Variants in PPARD observed in about 807,000 individuals in gnomAD.
PPARD encodes the protein peroxisome proliferator activated receptor delta.
A neutral mutation model predicts 39.5 loss-of-function variants in PPARD; 6 were observed. The ratio of observed to expected loss-of-function variants is 0.15; its 90% CI spans 0.08 to 0.30. The LOEUF (loss-of-function observed/expected upper bound fraction) is 0.30. Among genes scored for constraint, PPARD ranks in the 10% least tolerant of loss-of-function variants. PPARD has a pLI of 1.00. For missense variants in PPARD, 397 were observed against 596.8 expected (o/e 0.67, Z 3.49); for synonymous variants, 210 against 231.3 (o/e 0.91, Z 0.83).
intron 2 of PPARD, among the ~76,000 whole-genome samples, chr6:35,354,068 T>C (rs1272971754): frequency 6.6e-6 from 1 of 151,586 alleles, no homozygotes; most frequent in Non-Finnish European, 1.5e-5. Flanking sequence ...CTGTCTCTAC[T>C]AAAAATACAA....
At chr6:35,347,022 TG>T in intron 1 of PPARD, 44 bp from the exon 2 acceptor site, 1 of 1,293,580 alleles carries the variant, frequency 7.7e-7, no homozygotes, top group Non-Finnish European at 1.1e-6. Flanking sequence ...TGAGGGCCCC[TG>T]GCACCTGTCA....
At chr6:35,383,242 A>C (rs905909929) in intron 2 of PPARD, among the ~76,000 whole-genome samples, 6 of 152,166 alleles carry the variant, frequency 3.9e-5, no homozygotes, top group African/African-American at 1.4e-4. Context: ...GGTGGGAAGC[A>C]CTAGAGGTGG....
chr6:35,371,743 G>A (rs1473116710), intron 2 of PPARD, among the ~76,000 whole-genome samples: 1 of 152,110 alleles, frequency 6.6e-6, no homozygotes, highest in Non-Finnish European at 1.5e-5. Flanking sequence ...CACCTTGTTT[G>A]GAAAAAAACT....
chr6:35,364,411 A>C (rs1301945352), intron 2 of PPARD, among the ~76,000 whole-genome samples: 1 of 150,528 alleles, frequency 6.6e-6, no homozygotes, highest in African/African-American at 2.5e-5. Flanking sequence ...TTGCTGGGTC[A>C]TATAGTATTC....
rs187314363 is a variant in PPARD, at chr6:35,366,576, A to G, written c.-102+19426A>G. 6.0e-4 allele frequency among the ~76,000 whole-genome samples: 88 copies of G among 147,298 alleles called. 4 individuals are homozygous for G. The highest frequency in any genetic ancestry group is 1.9e-3 in the African/African-American group (73 of 37,448). ...AATACTTTTTTTTTTTTTTAAGACA[A>G]TCTCACTCTGTCACCCAGGCTGGAG... On this transcript the variant is annotated intron_variant, in intron 2 of 7. Coordinates refer to ENST00000360694, the MANE Select transcript of PPARD (RefSeq NM_006238.5). This position sits in a 1 kb window ranked among gnomAD's most constrained non-coding sequence, Gnocchi z 4.6.
intron 2 of PPARD, among the ~76,000 whole-genome samples, chr6:35,375,740 G>A (rs1762775952): frequency 6.6e-6 from 1 of 151,976 alleles, no homozygotes; most frequent in South Asian, 2.1e-4. Context: ...GTTTTCTAGA[G>A]ATGGGATGTT....
At chr6:35,349,833 C>T (rs1761130228) in intron 2 of PPARD, among the ~76,000 whole-genome samples, 1 of 152,106 alleles carries the variant, frequency 6.6e-6, no homozygotes, top group Non-Finnish European at 1.5e-5. Flanking sequence ...CCTCCACCTC[C>T]TGGGTTCAAG....
At chr6:35,378,685 A>T (rs936826847) in intron 2 of PPARD, among the ~76,000 whole-genome samples, 3 of 152,080 alleles carry the variant, frequency 2.0e-5, no homozygotes, top group African/African-American at 7.2e-5. Flanking sequence ...GGAGTAGGTG[A>T]CTCTGTATGC....
chr6:35,383,475 C>T (rs1162500451), intron 2 of PPARD, among the ~76,000 whole-genome samples: 3 of 151,754 alleles, frequency 2.0e-5, no homozygotes, highest in Admixed American at 1.3e-4. Context: ...TGAGGAGCGT[C>T]TCTGCTTGGC....
At chr6:35,395,965 A>G (rs1176085830) in intron 2 of PPARD, among the ~76,000 whole-genome samples, 2 of 152,302 alleles carry the variant, frequency 1.3e-5, no homozygotes, top group Admixed American at 6.5e-5. Flanking sequence ...GGTGCTGTGC[A>G]CTGTTTGATT....
chr6:35,351,713 C>G (rs1210801461), intron 2 of PPARD, among the ~76,000 whole-genome samples: 2 of 151,996 alleles, frequency 1.3e-5, no homozygotes, highest in African/African-American at 4.8e-5. Context: ...GCTACCATGC[C>G]CAGCTCATTT....
At chr6:35,376,003 C>A (rs561201536) in intron 2 of PPARD, among the ~76,000 whole-genome samples, 1 of 152,076 alleles carries the variant, frequency 6.6e-6, no homozygotes. Flanking sequence ...TGTATATATG[C>A]TTTTGTTTGG....
chr6:35,385,646 TAAAAA>T (rs66948740), intron 2 of PPARD, among the ~76,000 whole-genome samples: 6 of 96,562 alleles, frequency 6.2e-5, no homozygotes, highest in South Asian at 3.0e-4. Flanking sequence ...TAAATAAATT[TAAAAA>T]AAAAAAAAAA....
chr6:35,426,492 C>A lies in PPARD; in HGVS notation c.*413C>A, dbSNP rs200996166. 1.8e-4 allele frequency: 34 copies of A among 193,774 alleles called. No individual in the cohort carries two copies. The highest frequency in any genetic ancestry group is 2.2e-3 in the Middle Eastern group (1 of 462). 12.0% of individuals were successfully genotyped at this position (193,774 alleles called of 1,614,324 possible). On this transcript the variant is annotated 3_prime_UTR_variant, in exon 8 of 8. Transcript: ENST00000360694. ...ACCTCTGCTTTTGCACACCTTTTCC[C>A]CAGGAGCAGAAGAGAGTGGGGCCTG...
At chr6:35,398,158 G>T (rs1434941505) in intron 2 of PPARD, among the ~76,000 whole-genome samples, 1 of 152,124 alleles carries the variant, frequency 6.6e-6, no homozygotes, top group East Asian at 1.9e-4. Context: ...ATCACAGGAG[G>T]GACAGAATCT....
intron 1 of PPARD, among the ~76,000 whole-genome samples, 196 bp from the exon 2 acceptor site, chr6:35,346,870 AC>A (rs1482779177): frequency 6.6e-6 from 1 of 151,532 alleles, no homozygotes; most frequent in Non-Finnish European, 1.5e-5. Context: ...GAGTGAGCAG[AC>A]TCCTTCCAGG....
At chr6:35,394,851 G>A (rs1274107142) in intron 2 of PPARD, among the ~76,000 whole-genome samples, 1 of 151,692 alleles carries the variant, frequency 6.6e-6, no homozygotes, top group African/African-American at 2.4e-5. Context: ...TAACATTTTG[G>A]TGTGTATAAT....
In PPARD at chr6:35,425,067, G is replaced by T. The variant is rs1382417668; in HGVS notation, c.1078+288G>T. The T allele has an allele frequency of 4.4e-6, 5 of 1,143,114 alleles. No individual in the cohort carries two copies. The highest frequency in any genetic ancestry group is 5.5e-6 in the Non-Finnish European group (5 of 904,758). 70.8% of individuals were successfully genotyped at this position (1,143,114 alleles called of 1,614,324 possible). ...GCGGGTGGATCACTTGAGGTCAGGA[G>T]TTCGAAACCAGCCTGGCCAACATGG... On this transcript the variant is annotated intron_variant, in intron 7 of 7. Transcript: ENST00000360694. The surrounding 1 kb of genome is among the most constrained non-coding windows in gnomAD (Gnocchi z 4.5).
intron 2 of PPARD, among the ~76,000 whole-genome samples, chr6:35,399,934 T>C (rs1438762247): frequency 2.6e-5 from 4 of 152,268 alleles, no homozygotes; most frequent in African/African-American, 9.6e-5. Flanking sequence ...GGGCCATTTC[T>C]GATTTTTTGT....
Sources: gnomAD v4.1 joint callset for allele counts (sites outside exome capture counted in the v4.1 genomes callset) on GRCh38, gnomAD v4.1.1 for gene constraint, Gnocchi (gnomAD v3.1) non-coding constraint, MANE v1.5 for transcripts, NCBI Gene and HGNC (gene_info 2026-07-23, HGNC 2026-07-21) for gene names.